C16orf89: variants seen among roughly 807,000 people sequenced by gnomAD.
C16orf89 encodes UPF0764 protein C16orf89.
Under a neutral mutation model 41.5 loss-of-function variants are expected in C16orf89, and 57 were observed. The observed-to-expected ratio is 1.38, with a 90% CI of 1.11 to 1.71. The LOEUF (loss-of-function observed/expected upper bound fraction) is 1.71, where lower values mean the gene tolerates loss of function less well. Ranked by LOEUF, C16orf89 falls within the 40% of genes most tolerant of loss-of-function variation. The pLI is 0.00. For missense variants in C16orf89, 575 were observed against 445.9 expected, an observed-to-expected ratio of 1.29 and a Z score of -2.61; for synonymous variants, 223 against 190.6, an observed-to-expected ratio of 1.17 and a Z score of -1.40.
chr16:5,059,014 C>A (rs1270008750), intron 3 of C16orf89, among the ~76,000 whole-genome samples: 1 of 151,838 alleles, frequency 6.6e-6, no homozygotes, highest in Admixed American at 6.6e-5. Context: ...CTGAGGCAGG[C>A]AAGTCACCTG....
At position 5,044,203 on chromosome 16, in the gene C16orf89, G is replaced by T. The variant is rs1956250350; in HGVS notation, c.*145C>A. The stretch of plus-strand genomic sequence containing the variant: ...CCTACCCTGGCCTTGCCTACTCAGG[G>T]CTTCCAAGATTGGGTGTCGGGGTGG... On this transcript the variant is annotated 3_prime_UTR_variant, in exon 8 of 8. Transcript: ENST00000472572. The T allele has an allele frequency of 7.1e-7, 1 of 1,404,878 alleles. No individual in the cohort carries two copies. Among genetic ancestry groups the T allele is most frequent in the African/African-American group, 1.5e-5 (1 of 68,382 alleles). 87.0% of individuals were successfully genotyped at this position (1,404,878 alleles called of 1,614,324 possible).
chr16:5,061,457 AAAG>A (rs1250300390), intron 2 of C16orf89, among the ~76,000 whole-genome samples: 8 of 122,818 alleles, frequency 6.5e-5, no homozygotes, highest in Non-Finnish European at 1.2e-4. Flanking sequence ...AAAAAAAAAA[AAAG>A]AGAGACAGAG....
chr16:5,060,134 A>C (rs1010957308), intron 3 of C16orf89, 152 bp downstream of exon 3: 73 of 902,950 alleles, frequency 8.1e-5, no homozygotes, highest in Non-Finnish European at 1.1e-4. Flanking sequence ...GGAGTAGGAG[A>C]GGGCAGTACC....
rs766550979 is a variant in C16orf89 at position 5,058,473 on chromosome 16, G to C, written c.627+20C>G. ...TCCTTCCCCTTCCCCTGGCACGGCG[G>C]GGGCTCCCTGGGCACTCACCATTCT... On this transcript the variant is annotated intron_variant, in intron 4 of 7. Coordinates refer to ENST00000472572, the MANE Select transcript of C16orf89 (RefSeq NM_001098514.3). The C allele has an allele frequency of 1.3e-6, 2 of 1,567,180 alleles. No homozygotes were observed. Among genetic ancestry groups the C allele is most frequent in the Admixed American group, 1.7e-5 (1 of 59,372 alleles).
chr16:5,065,562 G>A lies in C16orf89; in HGVS notation c.208+139C>T. Reference sequence around the variant, plus strand: ...AGCCGCCAGGAAGATCCAGCCCCTGGCCTCCTCTCTCCTTATAGCCGAGGC... The same window carrying A: ...AGCCGCCAGGAAGATCCAGCCCCTGACCTCCTCTCTCCTTATAGCCGAGGC... On this transcript the variant is annotated intron_variant, in intron 1 of 7. Transcript: ENST00000472572. 5 of 1,019,536 alleles carry A rather than the reference G, an allele frequency of 4.9e-6. No individual in the cohort carries two copies. In the South Asian group the frequency reaches 7.1e-5, roughly 14 times the overall value. 63.2% of individuals were successfully genotyped at this position (1,019,536 alleles called of 1,614,324 possible). A position where few individuals can be genotyped will look rare whatever the true frequency, so the allele number is the denominator to read the frequency against.
chr16:5,060,058 T>TA (rs1380251587), intron 3 of C16orf89, among the ~76,000 whole-genome samples: 1 of 151,816 alleles, frequency 6.6e-6, no homozygotes, highest in Non-Finnish European at 1.5e-5. Flanking sequence ...TGTTCAGCCA[T>TA]GGCTGCTGGA....
intron 7 of C16orf89, 22 bp from the exon 8 acceptor site, chr16:5,044,500 A>T: frequency 6.2e-7 from 1 of 1,610,946 alleles, no homozygotes; most frequent in Non-Finnish European, 8.5e-7. Flanking sequence ...AGCCCCCATG[A>T]GTGCTGGGTG....
rs775106350 is a variant in C16orf89, at chr16:5,044,362, G to A, written c.1072C>T (p.Pro358Ser). The change falls in exon 8 of 8, where the codon CCA becomes TCA. Residue 358 changes from proline to serine, a missense_variant. Coordinates refer to ENST00000472572, the MANE Select transcript of C16orf89 (RefSeq NM_001098514.3). ...REPHPSTPPP[P>S]SSR is the part of the protein sequence containing the mutation. ...AACCGTCCGTCTCAGCGGCTGCTTG[G>A]TGGTGGCGGTGTGGATGGGTGTGGC... 3 of 1,607,878 alleles carry A rather than the reference G, an allele frequency of 1.9e-6. No individual in the cohort carries two copies. Among genetic ancestry groups the A allele is most frequent in the South Asian group, 2.2e-5 (2 of 90,222 alleles).
chr16:5,056,657 C>A (rs1956513976), intron 4 of C16orf89, among the ~76,000 whole-genome samples: 1 of 152,160 alleles, frequency 6.6e-6, no homozygotes, highest in Non-Finnish European at 1.5e-5. Flanking sequence ...GGGCTGGTGA[C>A]TCCCCACACT....
rs776744686 is a variant in C16orf89 at position 5,055,327 on chromosome 16, A to T, written c.787T>A (p.Phe263Ile). Reference sequence around the variant, plus strand: ...CACCGGAGCTTGTAGAAGTCGGAGAAGCCGCCCATTCCACAGAACATGACT... The same window carrying T: ...CACCGGAGCTTGTAGAAGTCGGAGATGCCGCCCATTCCACAGAACATGACT... ...ENIMFCGMGG[F>I]SDFYKLRWLE... The change falls in exon 6 of 8, where the codon TTC (phenylalanine) becomes ATC (isoleucine). Residue 263 changes from phenylalanine to isoleucine, a missense_variant. Coordinates refer to ENST00000472572, the MANE Select transcript of C16orf89 (RefSeq NM_001098514.3). 1 of 1,612,686 alleles carries T rather than the reference A, an allele frequency of 6.2e-7. No individual in the cohort carries two copies. Among genetic ancestry groups the T allele is most frequent in the Admixed American group, 1.7e-5 (1 of 59,886 alleles).
At chr16:5,054,319 A>T (rs1001573976) in intron 6 of C16orf89, among the ~76,000 whole-genome samples, 1 of 152,112 alleles carries the variant, frequency 6.6e-6, no homozygotes, top group East Asian at 1.9e-4. Flanking sequence ...GAAGCGACTT[A>T]TTGCAAAGGG....
At chr16:5,060,945 C>T (rs867551667) in intron 2 of C16orf89, among the ~76,000 whole-genome samples, 34 of 93,514 alleles carry the variant, frequency 3.6e-4, no homozygotes, top group Non-Finnish European at 5.7e-4. Context: ...TATGATCAGC[C>T]TTTTTTTTTT....
At chr16:5,059,905 G>T (rs941080414) in intron 3 of C16orf89, among the ~76,000 whole-genome samples, 4 of 152,188 alleles carry the variant, frequency 2.6e-5, no homozygotes, top group Admixed American at 6.5e-5. Context: ...TGAGGCCCAG[G>T]GGGTGGAGTG....
At position 5,065,775 on chromosome 16, in the gene C16orf89, C is replaced by G; in HGVS notation, c.134G>C (p.Arg45Thr). ...IADLILSALE[R>T]ATVFLEQRLP... is the part of the protein sequence containing the mutation. ...CCTCTGTTCTAGGAAGACGGTGGCT[C>G]TCTCCAGCGCAGACAGGATCAGGTC... is the stretch of plus-strand genomic sequence containing the variant. The change falls in exon 1 of 8, where the codon AGA becomes ACA. Residue 45 changes from arginine (R) to threonine (T), a missense_variant. Coordinates refer to ENST00000472572, the MANE Select transcript of C16orf89 (RefSeq NM_001098514.3). 4 of 1,614,176 alleles carry G rather than the reference C, an allele frequency of 2.5e-6. No individual in the cohort carries two copies. The highest frequency in any genetic ancestry group is 8.5e-7 in the Non-Finnish European group (1 of 1,179,974).
Position 5,060,359 on chromosome 16 carries a change from G to T in C16orf89, c.436C>A (p.Pro146Thr). 1 of 1,613,646 alleles carries T rather than the reference G, an allele frequency of 6.2e-7. No homozygotes were observed. Among genetic ancestry groups the T allele is most frequent in the Non-Finnish European group, 8.5e-7 (1 of 1,179,842 alleles). ...AATGAGTCCTGGGGCCCGAACGTGGGGTACACCAAGGAGGCATCAGTGTGG... is the reference window on the plus strand; with the variant it reads ...AATGAGTCCTGGGGCCCGAACGTGGTGTACACCAAGGAGGCATCAGTGTGG... The part of the protein sequence containing the change: ...WIHTDASLVY[P>T]TFGPQDSFSE... The change falls in exon 3 of 8, where the codon CCC becomes ACC. Residue 146 changes from proline (P) to threonine (T), a missense_variant. Transcript: ENST00000472572.
intron 6 of C16orf89, among the ~76,000 whole-genome samples, chr16:5,051,028 C>T (rs955240050): frequency 6.6e-6 from 1 of 152,036 alleles, no homozygotes; most frequent in African/African-American, 2.4e-5. Flanking sequence ...TCTCTCAATA[C>T]GTTAGGTATA....
chr16:5,063,169 G>T (rs1276453729), intron 1 of C16orf89, among the ~76,000 whole-genome samples: 2 of 152,184 alleles, frequency 1.3e-5, no homozygotes, highest in African/African-American at 4.8e-5. Context: ...ACATCCGAGT[G>T]AGAGCATTCA....
At chr16:5,051,240 T>A (rs1341652860) in intron 6 of C16orf89, among the ~76,000 whole-genome samples, 1 of 151,860 alleles carries the variant, frequency 6.6e-6, no homozygotes, top group Non-Finnish European at 1.5e-5. Flanking sequence ...GGCATCCAAA[T>A]GAAAAAGGAG....
chr16:5,043,533 T>TG (rs1956240260), downstream of C16orf89: 1 of 152,230 alleles, frequency 6.6e-6, no homozygotes, highest in African/African-American at 2.4e-5. Context: ...GGCCATGTGA[T>TG]GCAATGTAAT....
Sources: gnomAD v4.1 joint callset for allele counts (sites outside exome capture counted in the v4.1 genomes callset) on GRCh38, gnomAD v4.1.1 for gene constraint, MANE v1.5 for transcripts, NCBI Gene and HGNC (gene_info 2026-07-23, HGNC 2026-07-21) for gene names.